The following MDN1 variants were observed in gnomAD, a reference collection of about 807,000 sequenced individuals.
MDN1 encodes the protein midasin.
MDN1 carries 266 observed loss-of-function variants against 669.2 expected under a neutral mutation model. The observed-to-expected ratio is 0.40, with a 90% confidence interval of 0.36 to 0.44. MDN1 has a LOEUF of 0.44. Among genes scored for constraint, MDN1 ranks in the 20% least tolerant of loss-of-function variants. The pLI, the probability that MDN1 is intolerant of heterozygous loss-of-function variation, is 1.00. For missense variants in MDN1, 5,940 were observed against 6,754.0 expected, an observed-to-expected ratio of 0.88 and a Z score of 4.22; for synonymous variants, 2,385 against 2,457.1, an observed-to-expected ratio of 0.97 and a Z score of 0.87.
At chr6:89,656,630 AGC>A in intron 91 of MDN1, 68 bp downstream of exon 91, 2 of 1,076,540 alleles carry the variant, frequency 1.9e-6, no homozygotes, top group Non-Finnish European at 2.7e-6. Flanking sequence ...TTTTTTTTAA[AGC>A]ACTACGTTTG....
chr6:89,745,168 A>C, intron 29 of MDN1, 105 bp downstream of exon 29: 16 of 745,242 alleles, frequency 2.1e-5, no homozygotes, highest in Non-Finnish European at 3.0e-5. Context: ...AAGAGGAAGG[A>C]GGAAAGAAGG....
Position 89,655,882 on chromosome 6 carries a change from C to T in MDN1, c.15372G>A (p.Val5124=). 2.5e-6 allele frequency: 4 copies of T among 1,614,156 alleles called. No individual in the cohort carries two copies. Among genetic ancestry groups the T allele is most frequent in the Non-Finnish European group, 3.4e-6 (4 of 1,180,040 alleles). The change falls in exon 92 of 102, where the codon GTG becomes GTA. Residue 5124 remains valine (V), a synonymous_variant. Coordinates refer to ENST00000369393, the MANE Select transcript of MDN1 (RefSeq NM_014611.3). The part of the protein sequence containing the change: ...NERVHKRLRT[V]DTDSHAEQGP... Reference sequence around the variant, plus strand: ...CCTGCTCGGCATGGCTGTCCGTATCCACAGTCCTCAGCCTCTTGTGCACAC... The same window carrying T: ...CCTGCTCGGCATGGCTGTCCGTATCTACAGTCCTCAGCCTCTTGTGCACAC...
chr6:89,649,003 A>AG (rs1244963151), intron 97 of MDN1, among the ~76,000 whole-genome samples: 10 of 151,728 alleles, frequency 6.6e-5, no homozygotes, highest in South Asian at 4.2e-4. Flanking sequence ...AAAAAAAAAA[A>AG]AAAGAAAGAA....
At chr6:89,795,733 C>T (rs112291510) in intron 2 of MDN1, among the ~76,000 whole-genome samples, 95 of 152,256 alleles carry the variant, frequency 6.2e-4, no homozygotes, top group African/African-American at 1.9e-3. Context: ...GCGGGCAGAT[C>T]ACCTGAGGTC....
intron 50 of MDN1, among the ~76,000 whole-genome samples, 190 bp from the exon 51 acceptor site, chr6:89,708,818 C>G (rs1243936612): frequency 1.3e-5 from 2 of 152,092 alleles, no homozygotes; most frequent in Non-Finnish European, 2.9e-5. Context: ...AGCTTTTACA[C>G]TCTATCTTTA....
At chr6:89,766,370 T>C (rs773425891) in intron 15 of MDN1, among the ~76,000 whole-genome samples, 3 of 150,160 alleles carry the variant, frequency 2.0e-5, no homozygotes, top group Non-Finnish European at 4.4e-5. Context: ...AGTCAATACA[T>C]ATTTCAATAC....
In MDN1 at chr6:89,759,501, T is replaced by C. The variant is rs187531746; in HGVS notation, c.2461-541A>G. ...ATTCTGGGCTGGGTGTGGTGGCTCA[T>C]GTCTGTAACCCCAGCACTTTGGGAG... On this transcript the variant is annotated intron_variant, in intron 17 of 101. Coordinates refer to ENST00000369393, the MANE Select transcript of MDN1 (RefSeq NM_014611.3). Among the ~76,000 whole-genome samples, 330 of 152,236 alleles carry C rather than the reference T, an allele frequency of 2.2e-3. 1 individual carries two copies. Among genetic ancestry groups the C allele is most frequent in the African/African-American group, 7.6e-3 (317 of 41,538 alleles).
In MDN1 at chr6:89,690,771, C is replaced by T. The variant is rs745405115; in HGVS notation, c.10651G>A (p.Gly3551Ser). Residue 3551 changes from glycine (G) to serine (S), a missense_variant, in exon 64 of 102, where the codon GGC becomes AGC. Coordinates refer to ENST00000369393, the MANE Select transcript of MDN1 (RefSeq NM_014611.3). ...IAQEKAEQES[G>S]LYRYRSRNSR... The stretch of plus-strand genomic sequence containing the variant: ...TTCCTGCTCCTGTATCTATACAGGC[C>T]GCTTTCCTGCTCAGCCTTCTCTTGG... 1.2e-5 allele frequency: 20 copies of T among 1,613,958 alleles called. No homozygotes were observed. Among genetic ancestry groups the T allele is most frequent in the Middle Eastern group, 3.3e-4 (2 of 6,084 alleles).
intron 99 of MDN1, among the ~76,000 whole-genome samples, chr6:89,647,512 G>A (rs1029567894): frequency 7.9e-5 from 12 of 152,162 alleles, no homozygotes; most frequent in Non-Finnish European, 1.5e-4. Context: ...AAAAAAAGTA[G>A]GGAGCTAGAA....
In MDN1 at chr6:89,790,894, A is replaced by G. The variant is rs531018654; in HGVS notation, c.856-493T>C. Among the ~76,000 whole-genome samples the G allele has an allele frequency of 7.2e-5, 11 of 152,240 alleles. No individual in the cohort carries two copies. The East Asian group carries it at 1.7e-3, about 24-fold the overall frequency. ...AAACATTAGCTGGACATGGTGGCAT[A>G]TGCCTGTAATCCCAGCTACTCGGGA... On this transcript the variant is annotated intron_variant, in intron 5 of 101. Transcript: ENST00000369393.
chr6:89,693,533 G>A (rs573214289), intron 62 of MDN1, among the ~76,000 whole-genome samples: 5 of 152,256 alleles, frequency 3.3e-5, no homozygotes, highest in African/African-American at 9.6e-5. Context: ...CACTATACAG[G>A]CTGAGCATCC....
At chr6:89,792,120 G>A (rs551668735) in intron 5 of MDN1, among the ~76,000 whole-genome samples, 7 of 151,890 alleles carry the variant, frequency 4.6e-5, no homozygotes, top group East Asian at 1.9e-4. Context: ...TGCCCGCCTC[G>A]GCCTCCCAAA....
chr6:89,756,603 T>C (rs1817259316), intron 19 of MDN1, among the ~76,000 whole-genome samples: 1 of 152,214 alleles, frequency 6.6e-6, no homozygotes, highest in African/African-American at 2.4e-5. Flanking sequence ...GCAATAAGTC[T>C]TCTACGTATA....
rs919048851 is a variant in MDN1, at chr6:89,683,141, T to A, written c.12093A>T (p.Ala4031=). The part of the protein sequence containing the change: ...ALRETLLAQP[A]AGQATIPEWC... ...TCCCACAACCAAGTACCTGCCCAGCTGCTGGTTGGGCTAACAGGGTCTCCC... is the reference window on the plus strand; with the variant it reads ...TCCCACAACCAAGTACCTGCCCAGCAGCTGGTTGGGCTAACAGGGTCTCCC... The change falls in exon 73 of 102, where the codon GCA becomes GCT. Residue 4031 remains alanine, a synonymous_variant. Coordinates refer to ENST00000369393, the MANE Select transcript of MDN1 (RefSeq NM_014611.3). 4 of 1,614,008 alleles carry A rather than the reference T, an allele frequency of 2.5e-6. No individual in the cohort carries two copies. In the Admixed American group the frequency reaches 6.7e-5, roughly 27 times the overall value.
Position 89,743,254 on chromosome 6 carries a change from AAAG to A in MDN1, c.4341_4343del (p.Phe1448del). 6.2e-7 allele frequency: 1 copy of A among 1,614,162 alleles called. No homozygotes were observed. The highest frequency in any genetic ancestry group is 1.1e-5 in the South Asian group (1 of 91,088). ...GAACCAGAGGCCCATCATGCCACTC[AAAG>A]AGTCTTGATGTGTCAATTTCTTCCT... is the stretch of plus-strand genomic sequence containing the variant. On this transcript the variant is annotated inframe_deletion, in exon 31 of 102. Coordinates refer to ENST00000369393, the MANE Select transcript of MDN1 (RefSeq NM_014611.3).
chr6:89,690,016 A>G lies in MDN1; in HGVS notation c.10877T>C (p.Ile3626Thr), dbSNP rs1812278861. ...AAAGTTGAGACACAATTGCTGGTGTATCAGCATTACTGCCTGCATTGAATT... is the reference window on the plus strand; with the variant it reads ...AAAGTTGAGACACAATTGCTGGTGTGTCAGCATTACTGCCTGCATTGAATT... The part of the protein sequence containing the change: ...SQNSMQAVML[I>T]HQQLCLNFAR... Residue 3626 changes from isoleucine (I) to threonine (T), a missense_variant, in exon 65 of 102, where the codon ATA (isoleucine) becomes ACA (threonine). By Grantham distance (89) the Ile-to-Thr change is moderately conservative. Around this residue, in one of 5 missense-constraint regions of MDN1, gnomAD observed 2,280 missense variants for 2,576.3 expected, o/e 0.88. Coordinates refer to ENST00000369393, the MANE Select transcript of MDN1 (RefSeq NM_014611.3). The G allele has an allele frequency of 1.2e-6, 2 of 1,614,098 alleles. No individual in the cohort carries two copies. The highest frequency in any genetic ancestry group is 1.7e-6 in the Non-Finnish European group (2 of 1,180,036).
intron 33 of MDN1, among the ~76,000 whole-genome samples, chr6:89,736,576 A>G (rs1448013070): frequency 6.6e-6 from 1 of 152,060 alleles, no homozygotes; most frequent in Non-Finnish European, 1.5e-5. Context: ...GGGTCACTCG[A>G]GCCCAGGAGT....
chr6:89,684,390 TAA>T (rs372116307), intron 71 of MDN1, among the ~76,000 whole-genome samples: 32 of 133,014 alleles, frequency 2.4e-4, no homozygotes, highest in Admixed American at 3.0e-4. Context: ...CAAAGTGATT[TAA>T]AAAAAAAAAA....
chr6:89,768,728 C>T (rs1744482858), intron 15 of MDN1, among the ~76,000 whole-genome samples: 1 of 151,900 alleles, frequency 6.6e-6, no homozygotes, highest in Non-Finnish European at 1.5e-5. Flanking sequence ...CAGAGTGAGA[C>T]CCTGTCCCCC....
Sources: gnomAD v4.1 joint callset for allele counts (sites outside exome capture counted in the v4.1 genomes callset) on GRCh38, gnomAD v4.1.1 for gene constraint, gnomAD v4.1.1 regional missense constraint, MANE v1.5 for transcripts, NCBI Gene and HGNC (gene_info 2026-07-23, HGNC 2026-07-21) for gene names.